ANXA8: variants seen among roughly 807,000 people sequenced by gnomAD.
ANXA8 encodes VAC-beta.
In ANXA8, 9 loss-of-function variants were observed where a neutral mutation model predicts 26.8. That is an observed-to-expected ratio of 0.34 (90% confidence interval 0.20 to 0.59). ANXA8 has a LOEUF of 0.59. Among genes scored for constraint, ANXA8 ranks in the 20% least tolerant of loss-of-function variants. The pLI is 0.84. For synonymous variants in ANXA8, 39 were observed against 94.8 expected (o/e 0.41, Z 3.42); for missense variants, 83 against 238.5 (o/e 0.35, Z 4.29).
the ANXA8 span, among the ~76,000 whole-genome samples, chr10:47,660,422 A>T: frequency 6.6e-6 from 1 of 151,342 alleles, no homozygotes; most frequent in South Asian, 2.1e-4. Context: ...TTTTAAATTG[A>T]GACAGTCTCG....
the ANXA8 span, among the ~76,000 whole-genome samples, chr10:47,658,858 A>ATTTATTTT: frequency 7.5e-6 from 1 of 133,682 alleles, no homozygotes; most frequent in Non-Finnish European, 1.5e-5. Flanking sequence ...TTATTTATTT[A>ATTTATTTT]TTTATTTATT....
chr10:47,508,310 T>C, the ANXA8 span, among the ~76,000 whole-genome samples: 1 of 56,916 alleles, frequency 1.8e-5, no homozygotes, highest in African/African-American at 7.3e-5. Flanking sequence ...TATTAGCACT[T>C]TTTAAAAAGC....
chr10:47,510,881 T>C, the ANXA8 span, among the ~76,000 whole-genome samples: 16 of 132,124 alleles, frequency 1.2e-4, no homozygotes, highest in Non-Finnish European at 1.9e-4. Context: ...TTTCATATTT[T>C]TTTCTACAGC....
At chr10:47,683,907 T>G in the ANXA8 span, among the ~76,000 whole-genome samples, 1 of 151,764 alleles carries the variant, frequency 6.6e-6, no homozygotes. Flanking sequence ...AAGCACTCTC[T>G]TTTAATGATA....
At chr10:47,748,515 G>A in the ANXA8 span, among the ~76,000 whole-genome samples, 2 of 152,164 alleles carry the variant, frequency 1.3e-5, no homozygotes, top group Admixed American at 1.3e-4. Context: ...ACCCGACCCA[G>A]GCACACTATA....
the ANXA8 span, among the ~76,000 whole-genome samples, chr10:47,584,095 G>T: frequency 6.8e-6 from 1 of 146,894 alleles, no homozygotes; most frequent in Non-Finnish European, 1.5e-5. Context: ...CACCAGCATC[G>T]CCCAGCCCGG....
At chr10:47,933,656 T>A in the ANXA8 span, among the ~76,000 whole-genome samples, 19 of 36,064 alleles carry the variant, frequency 5.3e-4, 7 homozygotes, top group East Asian at 5.1e-3. Context: ...CAAACAGGCA[T>A]CTGCAAGGGC....
chr10:47,724,780 G>A, the ANXA8 span, among the ~76,000 whole-genome samples: 200 of 140,236 alleles, frequency 1.4e-3, no homozygotes, highest in African/African-American at 4.9e-3. Flanking sequence ...CAACCAGTTA[G>A]GACATTTTCA....
At chr10:47,746,579 G>A in the ANXA8 span, among the ~76,000 whole-genome samples, 3 of 92,498 alleles carry the variant, frequency 3.2e-5, no homozygotes, top group African/African-American at 1.2e-4. Flanking sequence ...TCAGGAGACT[G>A]AGGCAGGAGA....
At chr10:47,696,404 T>G in the ANXA8 span, 2 of 1,263,754 alleles carry the variant, frequency 1.6e-6, no homozygotes, top group Non-Finnish European at 2.2e-6. Flanking sequence ...TCTCTCTAGA[T>G]GTTGTTATTC....
At chr10:47,687,251 T>A in the ANXA8 span, among the ~76,000 whole-genome samples, 1 of 151,470 alleles carries the variant, frequency 6.6e-6, no homozygotes, top group Admixed American at 6.6e-5. Context: ...TATATCTAAG[T>A]ATTCCCACCA....
At chr10:47,697,227 A>G in the ANXA8 span, among the ~76,000 whole-genome samples, 1 of 152,242 alleles carries the variant, frequency 6.6e-6, no homozygotes, top group Admixed American at 6.5e-5. Context: ...TCTTTAGGCA[A>G]GTTATTTCAC....
chr10:47,488,634 ATACACATGCTTTG>A (rs1840087308), upstream of ANXA8, among the ~76,000 whole-genome samples: 1 of 148,216 alleles, frequency 6.7e-6, no homozygotes, highest in African/African-American at 2.5e-5. Flanking sequence ...GGAATGAGAT[ATACACATGCTTTG>A]TACATAGTAC....
chr10:47,564,784 C>G, the ANXA8 span: 1 of 808,986 alleles, frequency 1.2e-6, no homozygotes, highest in Non-Finnish European at 2.1e-6. Context: ...CGCAGGAAGA[C>G]GTCCTGAACA....
chr10:47,944,655 G>C, the ANXA8 span, among the ~76,000 whole-genome samples: 1 of 150,550 alleles, frequency 6.6e-6, no homozygotes, highest in African/African-American at 2.5e-5. Flanking sequence ...TTTATAAAGA[G>C]AAGTTCCCCT....
the ANXA8 span, chr10:47,568,088 G>A: frequency 1.7e-5 from 7 of 412,722 alleles, no homozygotes; most frequent in Admixed American, 3.8e-5. Context: ...AGGCTGGAGT[G>A]CAACGGTGCG....
the ANXA8 span, among the ~76,000 whole-genome samples, chr10:47,948,637 A>C: frequency 1.3e-5 from 2 of 149,768 alleles, no homozygotes; most frequent in Non-Finnish European, 3.0e-5. Context: ...AAGTATATGG[A>C]TCACATACTT....
chr10:47,636,356 T>C, the ANXA8 span, among the ~76,000 whole-genome samples: 1 of 142,424 alleles, frequency 7.0e-6, no homozygotes, highest in Non-Finnish European at 1.5e-5. Flanking sequence ...AGATTTTAAC[T>C]AGATCTGTTT....
the ANXA8 span, among the ~76,000 whole-genome samples, chr10:47,685,363 A>G: frequency 3.6e-5 from 5 of 139,224 alleles, no homozygotes; most frequent in South Asian, 2.2e-4. Context: ...AAAAAAAAAG[A>G]AAAAGAAAAA....
Sources: allele counts gnomAD v4.1 joint callset (sites outside exome capture counted in the v4.1 genomes callset), GRCh38; gene constraint gnomAD v4.1.1; transcripts MANE v1.5; gene names NCBI Gene and HGNC (gene_info 2026-07-23, HGNC 2026-07-21).